The following RORA variants were observed in gnomAD, a reference collection of about 807,000 sequenced individuals.
RORA encodes RAR related orphan receptor A.
A neutral mutation model predicts 69.5 loss-of-function variants in RORA; 7 were observed. The ratio of observed to expected loss-of-function variants is 0.10; its 90% CI spans 0.06 to 0.19. The LOEUF (loss-of-function observed/expected upper bound fraction) is 0.19, where lower values mean the gene tolerates loss of function less well. Ranked by LOEUF, RORA falls within the 10% of genes least tolerant of loss-of-function variation. The pLI is 1.00. For synonymous variants in RORA, 261 were observed against 240.8 expected (o/e 1.08, Z -0.78); for missense variants, 457 against 663.0 (o/e 0.69, Z 3.41).
rs550911956 is a variant in RORA, at chr15:60,691,341, C to A, written c.167-12655G>T. Among the ~76,000 whole-genome samples the A allele has an allele frequency of 3.3e-5, 5 of 152,320 alleles. No individual in the cohort carries two copies. The East Asian group carries it at 9.6e-4, about 29-fold the overall frequency. On this transcript the variant is annotated intron_variant, in intron 1 of 10. Transcript: ENST00000335670. Reference sequence around the variant, plus strand: ...ATGATACAGTTGTATGTCTTCCCAACAATTTCAATTCTTGAAGCAGGGACT... The same window carrying A: ...ATGATACAGTTGTATGTCTTCCCAAAAATTTCAATTCTTGAAGCAGGGACT...
intron 1 of RORA, among the ~76,000 whole-genome samples, chr15:61,193,138 C>T (rs977142505): frequency 5.3e-5 from 8 of 152,150 alleles, no homozygotes; most frequent in Non-Finnish European, 1.0e-4. Flanking sequence ...TACTTATCCC[C>T]GAACACATGA....
intron 1 of RORA, among the ~76,000 whole-genome samples, chr15:61,047,215 A>C (rs899107035): frequency 2.9e-4 from 44 of 152,360 alleles, no homozygotes; most frequent in African/African-American, 1.0e-3. Flanking sequence ...CCCAGCATCC[A>C]GGGATTTGCA....
intron 1 of RORA, among the ~76,000 whole-genome samples, chr15:60,968,899 T>G (rs1013103305): frequency 2.0e-5 from 3 of 152,234 alleles, no homozygotes; most frequent in African/African-American, 7.2e-5. Flanking sequence ...CAAGCTGCCT[T>G]TAGTTGTCAT....
intron 2 of RORA, among the ~76,000 whole-genome samples, chr15:60,673,960 A>C (rs1333802944): frequency 6.6e-6 from 1 of 152,226 alleles, no homozygotes; most frequent in East Asian, 1.9e-4. Context: ...TGAATCTTCC[A>C]GTTACTTTGT....
chr15:60,793,933 A>G (rs2072453645), intron 1 of RORA, among the ~76,000 whole-genome samples: 1 of 152,180 alleles, frequency 6.6e-6, no homozygotes, highest in Non-Finnish European at 1.5e-5. Context: ...TTAAGCAAGC[A>G]GTGGGAAGTT....
intron 1 of RORA, among the ~76,000 whole-genome samples, chr15:61,093,575 T>G (rs2078742314): frequency 6.6e-6 from 1 of 152,232 alleles, no homozygotes; most frequent in East Asian, 1.9e-4. Context: ...GAGTAATCTA[T>G]ACCCCGATAT....
intron 1 of RORA, among the ~76,000 whole-genome samples, chr15:61,174,764 T>C (rs2079613416): frequency 6.6e-6 from 1 of 152,174 alleles, no homozygotes; most frequent in South Asian, 2.1e-4. Context: ...GGAAAGAGAA[T>C]TTTACTGATT....
chr15:60,646,493 G>C (rs1381468613), intron 2 of RORA, among the ~76,000 whole-genome samples: 1 of 151,958 alleles, frequency 6.6e-6, no homozygotes, highest in Non-Finnish European at 1.5e-5. Context: ...AGTGAGACAT[G>C]TGTCACTTTT....
At chr15:60,885,688 A>G (rs2073742791) in intron 1 of RORA, among the ~76,000 whole-genome samples, 1 of 152,210 alleles carries the variant, frequency 6.6e-6, no homozygotes, top group Admixed American at 6.5e-5. Context: ...TGTAGTCTTT[A>G]CGGAATGCAG....
At chr15:60,748,705 C>A (rs1308782485) in intron 1 of RORA, among the ~76,000 whole-genome samples, 1 of 152,162 alleles carries the variant, frequency 6.6e-6, no homozygotes, top group Non-Finnish European at 1.5e-5. Flanking sequence ...CCACTCTTAC[C>A]ACCCTAATTT....
intron 3 of RORA, among the ~76,000 whole-genome samples, chr15:60,527,430 A>G (rs1175468494): frequency 6.6e-6 from 1 of 152,248 alleles, no homozygotes; most frequent in Non-Finnish European, 1.5e-5. Flanking sequence ...GAACTTTAAC[A>G]TCTACAGCCT....
chr15:60,740,698 C>A (rs568943004), intron 1 of RORA, among the ~76,000 whole-genome samples: 1 of 152,284 alleles, frequency 6.6e-6, no homozygotes, highest in African/African-American at 2.4e-5. Context: ...AGCTGTAAAT[C>A]TCTTAGGTTA....
rs10523030 is a variant in RORA, at chr15:61,147,766, CGTGTGTGTGTGT to C, written c.166+81275_166+81286del. On this transcript the variant is annotated intron_variant, in intron 1 of 10. Coordinates refer to ENST00000335670, the MANE Select transcript of RORA (RefSeq NM_134261.3). The surrounding 1 kb of genome is among the most constrained non-coding windows in gnomAD (Gnocchi z 4.1). ...TGGTCAGTAGGCACGTGCGCACACG[CGTGTGTGTGTGT>C]GTGTGTGTGTGTGTGTGAAATCTTT... Among the ~76,000 whole-genome samples, 8 of 147,702 alleles carry C rather than the reference CGTGTGTGTGTGT, an allele frequency of 5.4e-5. No homozygotes were observed. Among genetic ancestry groups the C allele is most frequent in the African/African-American group, 2.0e-4 (8 of 40,260 alleles).
rs140177128 is a variant in RORA, at chr15:60,992,816, G to A, written c.166+236237C>T. On this transcript the variant is annotated intron_variant, in intron 1 of 10. Coordinates refer to ENST00000335670, the MANE Select transcript of RORA (RefSeq NM_134261.3). ...GTGCTTTAAATATAAAGTCTACTTC[G>A]GTCTGGTTTGAGTACTTAACTGATA... Among the ~76,000 whole-genome samples the A allele has an allele frequency of 4.3e-3, 648 of 152,232 alleles. 9 individuals carry two copies. The highest frequency in any genetic ancestry group is 0.015 in the African/African-American group (617 of 41,526).
At chr15:60,645,894 G>A (rs1192215941) in intron 2 of RORA, among the ~76,000 whole-genome samples, 3 of 151,358 alleles carry the variant, frequency 2.0e-5, no homozygotes, top group East Asian at 1.9e-4. Context: ...ACACACAGAC[G>A]CATATACACA....
chr15:60,917,494 C>T (rs1891911855), intron 1 of RORA, among the ~76,000 whole-genome samples: 2 of 152,176 alleles, frequency 1.3e-5, no homozygotes, highest in African/African-American at 4.8e-5. Flanking sequence ...CGAGCCTAGC[C>T]TAGACACTCC....
intron 1 of RORA, among the ~76,000 whole-genome samples, chr15:60,937,334 G>A (rs1476768548): frequency 1.3e-5 from 2 of 152,158 alleles, no homozygotes; most frequent in Non-Finnish European, 2.9e-5. Context: ...TACTGTCTGG[G>A]TGATTATTCT....
intron 1 of RORA, among the ~76,000 whole-genome samples, chr15:61,104,993 G>GCTCCCCCCCCCCCC (rs751911711): frequency 1.4e-5 from 2 of 140,820 alleles, no homozygotes; most frequent in Non-Finnish European, 3.1e-5. Context: ...TGATCATGAG[G>GCTCCCCCCCCCCCC]CGCCCCCCCC....
At chr15:61,067,295 A>G (rs538496199) in intron 1 of RORA, among the ~76,000 whole-genome samples, 23 of 151,996 alleles carry the variant, frequency 1.5e-4, no homozygotes, top group South Asian at 4.2e-4. Context: ...TATTTTTAGT[A>G]GAGACGGGGT....
Sources: allele counts gnomAD v4.1 joint callset (sites outside exome capture counted in the v4.1 genomes callset), GRCh38; gene constraint gnomAD v4.1.1; non-coding constraint Gnocchi (gnomAD v3.1); transcripts MANE v1.5; gene names NCBI Gene and HGNC (gene_info 2026-07-23, HGNC 2026-07-21).